The following SNTA1 variants were observed in gnomAD, a reference collection of about 807,000 sequenced individuals.
The protein encoded by SNTA1 is alpha-1-syntrophin.
A neutral mutation model predicts 47.1 loss-of-function variants in SNTA1; 31 were observed. The ratio of observed to expected loss-of-function variants is 0.66; its 90% CI spans 0.49 to 0.89. SNTA1 has a LOEUF of 0.89. SNTA1 is among the 40% of genes least tolerant of loss of function. The probability of loss-of-function intolerance (pLI) is 0.00; values close to 1 mark genes in which losing one functional copy is unlikely to be tolerated. For missense variants in SNTA1, 575 were observed against 693.0 expected, an observed-to-expected ratio of 0.83 and a Z score of 1.91; for synonymous variants, 300 against 313.6, an observed-to-expected ratio of 0.96 and a Z score of 0.46.
intron 3 of SNTA1, among the ~76,000 whole-genome samples, chr20:33,414,707 T>C (rs1365090230): frequency 6.6e-6 from 1 of 152,176 alleles, no homozygotes; most frequent in Non-Finnish European, 1.5e-5. Flanking sequence ...GCTTTTGTCT[T>C]ATTTCTGCCT....
chr20:33,432,099 G>C (rs1298892679), intron 2 of SNTA1, among the ~76,000 whole-genome samples: 1 of 152,216 alleles, frequency 6.6e-6, no homozygotes, highest in Admixed American at 6.5e-5. Context: ...TGGGAGAACT[G>C]AACAGGAGTT....
rs771053140 is a variant in SNTA1 at position 33,408,846 on chromosome 20, A to G, written c.1280T>C (p.Ile427Thr). ...CGCCCACAGTGTGAAGCCCTTGTCG[A>G]TGTGCACAGACAGGCTGCAGGGACG... ...NGRPCSLSVH[I>T]DKGFTLWAAE... The change falls in exon 7 of 8, where the codon ATC becomes ACC. Residue 427 changes from isoleucine (I) to threonine (T), a missense_variant. By Grantham distance (89) the Ile-to-Thr change is moderately conservative. Transcript: ENST00000217381. 1 of 1,614,176 alleles carries G rather than the reference A, an allele frequency of 6.2e-7. No individual in the cohort carries two copies. Among genetic ancestry groups the G allele is most frequent in the Non-Finnish European group, 8.5e-7 (1 of 1,180,040 alleles).
At chr20:33,413,901 G>C (rs1989809309) in intron 3 of SNTA1, among the ~76,000 whole-genome samples, 1 of 151,774 alleles carries the variant, frequency 6.6e-6, no homozygotes, top group South Asian at 2.1e-4. Flanking sequence ...AAGGGTGCCA[G>C]TGCACTCCAG....
intron 3 of SNTA1, among the ~76,000 whole-genome samples, chr20:33,415,099 T>G (rs1026444489): frequency 1.3e-5 from 2 of 148,348 alleles, no homozygotes; most frequent in African/African-American, 2.5e-5. Context: ...TACTCAGGCA[T>G]GTACATGTTA....
Position 33,438,861 on chromosome 20 carries a change from C to T in SNTA1, c.476G>A (p.Gly159Asp), listed in dbSNP as rs1231782705. 2 of 1,613,884 alleles carry T rather than the reference C, an allele frequency of 1.2e-6. No individual in the cohort carries two copies. Among genetic ancestry groups the T allele is most frequent in the African/African-American group, 1.3e-5 (1 of 74,920 alleles). ...DEAVQVLKKT[G>D]KEVVLEVKYM... ...CTTACCCTCCAGCACCACCTCCTTG[C>T]CTGTCTTCTTGAGGACCTGCACCGC... is the stretch of plus-strand genomic sequence containing the variant. The change falls in exon 2 of 8, where the codon GGC becomes GAC. Residue 159 changes from glycine (G) to aspartate (D), a missense_variant. Gly to Asp is a moderately conservative substitution (Grantham distance 94). Transcript: ENST00000217381.
At chr20:33,435,493 C>A (rs189880855) in intron 2 of SNTA1, among the ~76,000 whole-genome samples, 54 of 152,150 alleles carry the variant, frequency 3.5e-4, no homozygotes, top group African/African-American at 1.2e-3. Context: ...AGCTACAGAA[C>A]TGAGGCAGAG....
intron 5 of SNTA1, 55 bp downstream of exon 5, chr20:33,412,241 T>C (rs1989755360): frequency 2.5e-6 from 4 of 1,577,878 alleles, no homozygotes; most frequent in Non-Finnish European, 2.6e-6. Context: ...GGGGCCCTGC[T>C]GGAGCATCTC....
At chr20:33,425,733 C>T (rs1284280245) in intron 2 of SNTA1, among the ~76,000 whole-genome samples, 1 of 151,800 alleles carries the variant, frequency 6.6e-6, no homozygotes, top group Non-Finnish European at 1.5e-5. Flanking sequence ...GCTCTGTGAC[C>T]TTGAACAAGT....
At chr20:33,430,701 C>T (rs1045254325) in intron 2 of SNTA1, among the ~76,000 whole-genome samples, 41 of 151,566 alleles carry the variant, frequency 2.7e-4, no homozygotes, top group Admixed American at 8.6e-4. Context: ...TAAATCCCAG[C>T]ACTTTGGAAG....
intron 2 of SNTA1, among the ~76,000 whole-genome samples, chr20:33,436,463 A>G (rs1332877264): frequency 6.6e-6 from 1 of 152,170 alleles, no homozygotes; most frequent in African/African-American, 2.4e-5. Context: ...GCATTCTATT[A>G]TTTAACTTTG....
Position 33,410,263 on chromosome 20 carries a change from G to C in SNTA1, c.1109C>G (p.Thr370Arg). ...AGTGTCCACACCGTGACGCGTGCCC[G>C]TGCGCAGGGCAAAAGAGAGCTCTGC... Reference protein sequence around the residue: ...YDAELSFALRTGTRHGVDTHL... With the variant: ...YDAELSFALRRGTRHGVDTHL... The change falls in exon 6 of 8, where the codon ACG becomes AGG. Residue 370 changes from threonine to arginine, a missense_variant. Physicochemically the swap from Thr to Arg is moderately conservative, Grantham distance 71. Coordinates refer to ENST00000217381, the MANE Select transcript of SNTA1 (RefSeq NM_003098.3). 6.2e-7 allele frequency: 1 copy of C among 1,612,770 alleles called. No individual in the cohort carries two copies. Among genetic ancestry groups the C allele is most frequent in the Non-Finnish European group, 8.5e-7 (1 of 1,179,794 alleles).
intron 3 of SNTA1, 65 bp downstream of exon 3, chr20:33,417,654 C>A: frequency 8.6e-7 from 1 of 1,160,402 alleles, no homozygotes; most frequent in Non-Finnish European, 1.3e-6. Context: ...GGTGTCTTTC[C>A]ATTGGTCCCA....
At chr20:33,433,469 G>A (rs533297910) in intron 2 of SNTA1, among the ~76,000 whole-genome samples, 12 of 150,708 alleles carry the variant, frequency 8.0e-5, no homozygotes, top group Admixed American at 2.6e-4. Context: ...GTTTCACCAT[G>A]TTGCCCAGGC....
chr20:33,412,311 G>C lies in SNTA1; in HGVS notation c.1025C>G (p.Pro342Arg), dbSNP rs1989758393. 6.2e-7 allele frequency: 1 copy of C among 1,611,830 alleles called. No homozygotes were observed. Among genetic ancestry groups the C allele is most frequent in the Admixed American group, 1.7e-5 (1 of 59,730 alleles). Residue 342 changes from proline to arginine, a missense_variant, in exon 5 of 8, where the codon CCA becomes CGA. Pro to Arg is a moderately radical substitution (Grantham distance 103, BLOSUM62 -2). Coordinates refer to ENST00000217381, the MANE Select transcript of SNTA1 (RefSeq NM_003098.3). Reference protein sequence around the residue: ...EALSRPARTAPLIATRLVHSG... With the variant: ...EALSRPARTARLIATRLVHSG... ...CTGTGGGTACCTGGTGGCGATGAGT[G>C]GGGCAGTACGGGCTGGCCGGCTCAG... is the stretch of plus-strand genomic sequence containing the variant.
chr20:33,421,295 G>A (rs143509899), intron 2 of SNTA1, among the ~76,000 whole-genome samples: 164 of 152,234 alleles, frequency 1.1e-3, no homozygotes, highest in African/African-American at 3.7e-3. Context: ...TTACCTCTCT[G>A]GGCCTCAATC....
Position 33,420,697 on chromosome 20 carries a change from C to T in SNTA1, c.497-2774G>A, listed in dbSNP as rs550782613. Among the ~76,000 whole-genome samples, 21 of 152,208 alleles carry T rather than the reference C, an allele frequency of 1.4e-4. No homozygotes were observed. In the South Asian group the frequency reaches 1.7e-3, roughly 12 times the overall value. On this transcript the variant is annotated intron_variant, in intron 2 of 7. Transcript: ENST00000217381. ...TCCACACTATTGAAAATGCAGTTCC[C>T]GGCCTTGTGCGGTGGCTCATGTCTG...
chr20:33,423,969 G>C (rs996853653), intron 2 of SNTA1, among the ~76,000 whole-genome samples: 1 of 152,110 alleles, frequency 6.6e-6, no homozygotes, highest in African/African-American at 2.4e-5. Flanking sequence ...AGTTCCCGGA[G>C]AGCAGGGGCT....
intron 2 of SNTA1, among the ~76,000 whole-genome samples, chr20:33,433,078 T>C (rs1003333566): frequency 6.6e-5 from 10 of 151,708 alleles, no homozygotes; most frequent in Non-Finnish European, 1.3e-4. Context: ...TACAGGTGCC[T>C]GCCACCACGC....
At chr20:33,430,935 C>T (rs1384287004) in intron 2 of SNTA1, among the ~76,000 whole-genome samples, 3 of 149,370 alleles carry the variant, frequency 2.0e-5, no homozygotes, top group African/African-American at 7.4e-5. Flanking sequence ...GGCAACAGAG[C>T]GAGACTCCGT....
Sources: gnomAD v4.1 joint callset for allele counts (sites outside exome capture counted in the v4.1 genomes callset) on GRCh38, gnomAD v4.1.1 for gene constraint, MANE v1.5 for transcripts, NCBI Gene and HGNC (gene_info 2026-07-23, HGNC 2026-07-21) for gene names.